The following ADGRV1 variants were observed in gnomAD, a reference collection of about 807,000 sequenced individuals.
ADGRV1 encodes the protein adhesion G protein-coupled receptor V1, also known as G-protein coupled receptor 98.
ADGRV1 carries 359 observed loss-of-function variants against 596.2 expected under a neutral mutation model. The observed-to-expected ratio is 0.60, with a 90% CI of 0.55 to 0.66. ADGRV1 has a LOEUF of 0.66. Ranked by LOEUF, ADGRV1 falls within the 30% of genes least tolerant of loss-of-function variation. The pLI is 0.00. For missense variants in ADGRV1, 7,274 were observed against 7,575.6 expected (o/e 0.96, Z 1.48); for synonymous variants, 2,681 against 2,679.2 (o/e 1.00, Z -0.02).
chr5:90,988,061 G>A (rs888728617), intron 85 of ADGRV1, among the ~76,000 whole-genome samples: 3 of 152,018 alleles, frequency 2.0e-5, no homozygotes, highest in South Asian at 2.1e-4. Flanking sequence ...ATTAATAGGC[G>A]GATACCCTGA....
intron 65 of ADGRV1, among the ~76,000 whole-genome samples, chr5:90,781,866 C>T (rs1464324837): frequency 6.6e-6 from 1 of 152,002 alleles, no homozygotes; most frequent in Non-Finnish European, 1.5e-5. Flanking sequence ...TAATGAAAGC[C>T]TTTGTAATTT....
intron 84 of ADGRV1, among the ~76,000 whole-genome samples, chr5:90,965,812 T>A (rs1581652205): frequency 6.6e-6 from 1 of 152,304 alleles, no homozygotes; most frequent in East Asian, 1.9e-4. Flanking sequence ...GTTGGAAATT[T>A]GAACATTTTT....
intron 81 of ADGRV1, 24 bp downstream of exon 81, chr5:90,854,225 A>G: frequency 6.6e-7 from 1 of 1,510,180 alleles, no homozygotes; most frequent in East Asian, 2.5e-5. Flanking sequence ...AAATAAAAAA[A>G]TCAGAATTTG....
At chr5:91,101,799 A>G (rs1469252689) in intron 86 of ADGRV1, among the ~76,000 whole-genome samples, 1 of 152,078 alleles carries the variant, frequency 6.6e-6, no homozygotes, top group African/African-American at 2.4e-5. Context: ...GCACACACAC[A>G]CACACGCACA....
intron 85 of ADGRV1, among the ~76,000 whole-genome samples, chr5:90,985,796 T>C (rs937015753): frequency 6.6e-5 from 10 of 152,124 alleles, no homozygotes; most frequent in Non-Finnish European, 1.3e-4. Context: ...AGCAAACTAA[T>C]ATTTAGCAAA....
Position 90,966,521 on chromosome 5 carries a change from A to T in ADGRV1, c.17973+990A>T, listed in dbSNP as rs192905063. Among the ~76,000 whole-genome samples the T allele has an allele frequency of 3.2e-4, 41 of 127,818 alleles. No homozygotes were observed. In the South Asian group the frequency reaches 3.4e-3, roughly 10 times the overall value. 83.9% of individuals were successfully genotyped at this position (127,818 alleles called of 152,430 possible). A position where few individuals can be genotyped will look rare whatever the true frequency, so the allele number is the denominator to read the frequency against. On this transcript the variant is annotated intron_variant, in intron 84 of 89. Coordinates refer to ENST00000405460, the MANE Select transcript of ADGRV1 (RefSeq NM_032119.4). ...CACTCCAGCCTGGGCGAGAAAAGCG[A>T]AACTCTGCCAAAAAAAAAAAAAAAA...
At chr5:90,596,546 G>A (rs912900439) in intron 1 of ADGRV1, among the ~76,000 whole-genome samples, 2 of 152,144 alleles carry the variant, frequency 1.3e-5, no homozygotes, top group Non-Finnish European at 1.5e-5. Context: ...CCCGCACCTC[G>A]GGAGGCAGAG....
At chr5:91,076,898 A>C (rs921004259) in intron 86 of ADGRV1, among the ~76,000 whole-genome samples, 5 of 152,024 alleles carry the variant, frequency 3.3e-5, no homozygotes, top group Admixed American at 6.6e-5. Flanking sequence ...TCTAGGGTAC[A>C]TGTGCACAAC....
intron 10 of ADGRV1, among the ~76,000 whole-genome samples, 185 bp downstream of exon 10, chr5:90,635,475 A>G (rs926567537): frequency 1.3e-5 from 2 of 152,240 alleles, no homozygotes; most frequent in African/African-American, 4.8e-5. Context: ...CATCGTTTAC[A>G]GTATTAGATA....
At chr5:90,570,225 G>A (rs1756343587) in intron 1 of ADGRV1, among the ~76,000 whole-genome samples, 1 of 152,036 alleles carries the variant, frequency 6.6e-6, no homozygotes, top group Admixed American at 6.6e-5. Flanking sequence ...TAGTATCCTT[G>A]GTTTATTGTC....
chr5:90,927,120 G>T (rs375303233), intron 83 of ADGRV1, among the ~76,000 whole-genome samples: 34,015 of 147,286 alleles, frequency 0.23, 4,292 homozygotes, highest in Admixed American at 0.38. Flanking sequence ...GTTGATTTGG[G>T]GTGGAGAGTT....
chr5:90,580,947 G>A (rs563476480), intron 1 of ADGRV1, among the ~76,000 whole-genome samples: 60 of 152,112 alleles, frequency 3.9e-4, no homozygotes, highest in African/African-American at 5.3e-4. Flanking sequence ...GGCTTTGTTC[G>A]TTTTATTTTA....
At chr5:90,905,130 A>G (rs527659565) in intron 83 of ADGRV1, among the ~76,000 whole-genome samples, 1 of 151,978 alleles carries the variant, frequency 6.6e-6, no homozygotes, top group Non-Finnish European at 1.5e-5. Flanking sequence ...TACTGTTTTG[A>G]TTACTACAAC....
At chr5:90,605,983 A>G (rs1313190463) in intron 1 of ADGRV1, among the ~76,000 whole-genome samples, 1 of 152,216 alleles carries the variant, frequency 6.6e-6, no homozygotes, top group Non-Finnish European at 1.5e-5. Context: ...AATTTTTCCC[A>G]ATTTACATGT....
chr5:90,698,425 G>T (rs1438336519), intron 34 of ADGRV1, among the ~76,000 whole-genome samples: 1 of 152,160 alleles, frequency 6.6e-6, no homozygotes, highest in Non-Finnish European at 1.5e-5. Flanking sequence ...TTCAGTGGTA[G>T]TGCTTATGCC....
At chr5:90,841,299 G>A (rs1765405960) in intron 78 of ADGRV1, among the ~76,000 whole-genome samples, 2 of 152,218 alleles carry the variant, frequency 1.3e-5, no homozygotes, top group Admixed American at 1.3e-4. Context: ...CCAGAAACTG[G>A]CCAATTAACT....
chr5:90,720,872 T>C, intron 44 of ADGRV1, 63 bp from the exon 45 acceptor site: 2 of 1,366,432 alleles, frequency 1.5e-6, no homozygotes, highest in Non-Finnish European at 2.0e-6. Context: ...CAATATGATA[T>C]ATATTTCAAA....
intron 83 of ADGRV1, among the ~76,000 whole-genome samples, chr5:90,950,250 A>G (rs60553010): frequency 0.056 from 8,536 of 152,236 alleles, 425 homozygotes; most frequent in East Asian, 0.24. Flanking sequence ...TACACTGTTC[A>G]CTGTGGAGAG....
At chr5:90,868,837 C>G (rs1384613473) in intron 83 of ADGRV1, among the ~76,000 whole-genome samples, 1 of 151,970 alleles carries the variant, frequency 6.6e-6, no homozygotes, top group East Asian at 1.9e-4. Flanking sequence ...TAGGTATGCT[C>G]AATGGCATGG....
Sources: allele counts gnomAD v4.1 joint callset (sites outside exome capture counted in the v4.1 genomes callset), GRCh38; gene constraint gnomAD v4.1.1; transcripts MANE v1.5; gene names NCBI Gene and HGNC (gene_info 2026-07-23, HGNC 2026-07-21).